Variants in IDUA observed in about 807,000 individuals in gnomAD.
The protein encoded by IDUA is alpha-L-iduronidase.
A neutral mutation model predicts 68.9 loss-of-function variants in IDUA; 65 were observed. The ratio of observed to expected loss-of-function variants is 0.94; its 90% CI spans 0.77 to 1.16. IDUA has a LOEUF of 1.16. Ranked by LOEUF, IDUA falls within the 50% of genes most tolerant of loss-of-function variation. IDUA has a pLI of 0.00. For synonymous variants in IDUA, 529 were observed against 433.6 expected, an observed-to-expected ratio of 1.22 and a Z score of -2.73; for missense variants, 1,046 against 938.0, an observed-to-expected ratio of 1.12 and a Z score of -1.50.
chr4:992,259 A>T (rs548043291), intron 2 of IDUA: 1 of 454,544 alleles, frequency 2.2e-6, no homozygotes, highest in Non-Finnish European at 4.4e-6. Flanking sequence ...TGTCCACCCC[A>T]TGCCCACACC....
At position 1,003,712 on chromosome 4, in the gene IDUA, C is replaced by T. The variant is rs537908440; in HGVS notation, c.1727+87C>T. ...CCTTCACCCATGCGGTCACTCGGGC[C>T]ACTTGCCGTGGCCCATCGGCTCCCT... On this transcript the variant is annotated intron_variant, in intron 12 of 13. Transcript: ENST00000514224. 930 of 1,465,054 alleles carry T rather than the reference C, an allele frequency of 6.3e-4. 10 individuals are homozygous for T. In the South Asian group the frequency reaches 7.4e-3, roughly 12 times the overall value. 90.8% of individuals were successfully genotyped at this position (1,465,054 alleles called of 1,614,324 possible). A position where few individuals can be genotyped will look rare whatever the true frequency, so the allele number is the denominator to read the frequency against.
chr4:989,730 C>G, intron 2 of IDUA: 6 of 1,557,884 alleles, frequency 3.9e-6, no homozygotes, highest in Non-Finnish European at 5.2e-6. Context: ...CTGTCTTCAC[C>G]AGGCTCTTGG....
chr4:1,004,395 C>A lies in IDUA; in HGVS notation c.*2C>A. 5 of 1,610,062 alleles carry A rather than the reference C, an allele frequency of 3.1e-6. No homozygotes were observed. Among genetic ancestry groups the A allele is most frequent in the Non-Finnish European group, 4.2e-6 (5 of 1,179,966 alleles). ...CCCCCATCCCCGGGCAATCCATGAG[C>A]CTGTGCTGAGCCCCAGTGGGTTGCA... On this transcript the variant is annotated 3_prime_UTR_variant, in exon 14 of 14. Coordinates refer to ENST00000514224, the MANE Select transcript of IDUA (RefSeq NM_000203.5). The surrounding 1 kb of genome is among the most constrained non-coding windows in gnomAD (Gnocchi z 5.0).
At chr4:999,709 C>A (rs1714961747) in intron 2 of IDUA, 1 of 146,982 alleles carries the variant, frequency 6.8e-6, no homozygotes, top group Admixed American at 6.8e-5. Context: ...CGTGGGAATT[C>A]AGCCCATCTG....
In IDUA at chr4:990,213, G is replaced by A. The variant is rs778395267; in HGVS notation, c.299+2264G>A. On this transcript the variant is annotated intron_variant, in intron 2 of 13. Transcript: ENST00000514224. ...TCAGCCATGTGAGGACCACCATGCCGGGCCCCTGGTGCCGCGGGATCCGCA... is the reference window on the plus strand; with the variant it reads ...TCAGCCATGTGAGGACCACCATGCCAGGCCCCTGGTGCCGCGGGATCCGCA... 1.3e-5 allele frequency: 21 copies of A among 1,564,676 alleles called. No individual in the cohort carries two copies. The highest frequency in any genetic ancestry group is 5.8e-5 in the Admixed American group (3 of 51,870).
chr4:987,159 G>C lies in IDUA; in HGVS notation c.75G>C (p.Pro25=). ...TCCTGGCCGCGCCCCCGGTGGCCCC[G>C]GCCGAGGCCCCGCACCTGGTGCATG... ...ASLLAAPPVA[P]AEAPHLVHVD... is the part of the protein sequence containing the mutation. Residue 25 remains proline, a synonymous_variant, in exon 1 of 14, where the codon CCG becomes CCC. Transcript: ENST00000514224. 1 of 1,427,150 alleles carries C rather than the reference G, an allele frequency of 7.0e-7. No homozygotes were observed. Among genetic ancestry groups the C allele is most frequent in the Non-Finnish European group, 9.1e-7 (1 of 1,096,230 alleles). 88.4% of individuals were successfully genotyped at this position (1,427,150 alleles called of 1,614,324 possible). A position where few individuals can be genotyped will look rare whatever the true frequency, so the allele number is the denominator to read the frequency against.
Position 989,600 on chromosome 4 carries a change from C to T in IDUA, c.299+1651C>T, listed in dbSNP as rs765002645. ...CGCAGGGCCCCCCGCAGGCTGACCA[C>T]GATGACGCAGGCCAGCACGCTTCGC... is the stretch of plus-strand genomic sequence containing the variant. On this transcript the variant is annotated intron_variant, in intron 2 of 13. Coordinates refer to ENST00000514224, the MANE Select transcript of IDUA (RefSeq NM_000203.5). 8.7e-6 allele frequency: 14 copies of T among 1,601,832 alleles called. No individual in the cohort carries two copies. The highest frequency in any genetic ancestry group is 5.3e-5 in the African/African-American group (4 of 74,840).
At chr4:993,177 A>C (rs1357694655) in intron 2 of IDUA, 1 of 152,268 alleles carries the variant, frequency 6.6e-6, no homozygotes, top group African/African-American at 2.4e-5. Flanking sequence ...GAATGGGGAC[A>C]GTAGGGCCAC....
intron 3 of IDUA, 57 bp downstream of exon 3, chr4:1,000,754 TCTCCCTCACCCAGCCC>T: frequency 1.4e-6 from 2 of 1,414,808 alleles, no homozygotes; most frequent in Non-Finnish European, 2.0e-6. Flanking sequence ...CTGCCCACCC[TCTCCCTCACCCAGCCC>T]CTCTGAGTCC....
At chr4:1,000,476 C>G (rs1715004700) in intron 2 of IDUA, 136 bp from the exon 3 acceptor site, 1 of 725,050 alleles carries the variant, frequency 1.4e-6, no homozygotes, top group Non-Finnish European at 2.5e-6. Context: ...AGGGGAAGGG[C>G]CCCTCGGGAA....
intron 2 of IDUA, chr4:990,294 A>T: frequency 6.2e-7 from 1 of 1,603,908 alleles, no homozygotes. Context: ...CCCCCATGGC[A>T]AAGCCATCGA....
intron 2 of IDUA, among the ~76,000 whole-genome samples, chr4:997,808 G>A (rs1714832433): frequency 6.6e-6 from 1 of 152,216 alleles, no homozygotes; most frequent in African/African-American, 2.4e-5. Flanking sequence ...CTGGGGGCGG[G>A]GATCCCTGTC....
At chr4:998,538 C>T (rs1036008258) in intron 2 of IDUA, among the ~76,000 whole-genome samples, 1 of 152,176 alleles carries the variant, frequency 6.6e-6, no homozygotes. Context: ...CAGACCCTGG[C>T]CAGCCTGGTC....
intron 2 of IDUA, among the ~76,000 whole-genome samples, chr4:993,631 C>G (rs768903825): frequency 4.3e-4 from 65 of 152,220 alleles, no homozygotes; most frequent in Non-Finnish European, 7.2e-4. Flanking sequence ...GCGGCCCTGC[C>G]GGGGGGGCTT....
At chr4:998,357 G>T (rs538902438) in intron 2 of IDUA, among the ~76,000 whole-genome samples, 1 of 152,320 alleles carries the variant, frequency 6.6e-6, no homozygotes, top group South Asian at 2.1e-4. Context: ...AGCTGGGGGT[G>T]CTGTGGCATG....
rs762593235 is a variant in IDUA at position 1,003,339 on chromosome 4, G to GC, written c.1525-3dup. On this transcript the variant is annotated splice_polypyrimidine_tract_variant and splice_region_variant and intron_variant, in intron 10 of 13. Transcript: ENST00000514224. Reference sequence around the variant, plus strand: ...GAGAACCCTGAGGACCGGCCACTGCGCCCAGGACCCGGTGGCCGCGGCGCC... The same window carrying GC: ...GAGAACCCTGAGGACCGGCCACTGCGCCCCAGGACCCGGTGGCCGCGGCGCC... 12 of 1,453,786 alleles carry GC rather than the reference G, an allele frequency of 8.3e-6. No individual in the cohort carries two copies. The highest frequency in any genetic ancestry group is 2.4e-4 in the Middle Eastern group (1 of 4,088). The allele number at this position is 1,453,786 out of a possible 1,614,324, so 90.1% of individuals were successfully genotyped here. A position where few individuals can be genotyped will look rare whatever the true frequency, so the allele number is the denominator to read the frequency against.
intron 1 of IDUA, 128 bp downstream of exon 1, chr4:987,370 G>A: frequency 3.1e-6 from 3 of 957,292 alleles, no homozygotes; most frequent in African/African-American, 1.7e-5. Context: ...TCCCGGGCCC[G>A]CCCCCCGCCG....
At position 1,002,784 on chromosome 4, in the gene IDUA, C is replaced by T; in HGVS notation, c.1242C>T (p.Ser414=). The change falls in exon 9 of 14, where the codon AGC becomes AGT. Residue 414 remains serine (S), a synonymous_variant. Coordinates refer to ENST00000514224, the MANE Select transcript of IDUA (RefSeq NM_000203.5). ...EVSQAGTVLD[S]NHTVGVLASA... ...CGCAGGCCGGGACCGTCCTGGACAG[C>T]AACCACACGGTGGGCGTCCTGGCCA... is the stretch of plus-strand genomic sequence containing the variant. 1 of 1,471,858 alleles carries T rather than the reference C, an allele frequency of 6.8e-7. No homozygotes were observed. The highest frequency in any genetic ancestry group is 2.3e-5 in the Admixed American group (1 of 42,566). 91.2% of individuals were successfully genotyped at this position (1,471,858 alleles called of 1,614,324 possible).
At position 987,885 on chromosome 4, in the gene IDUA, G is replaced by A. The variant is rs58037052; in HGVS notation, c.235G>A (p.Ala79Thr). The A allele has an allele frequency of 1.6e-3, 2,552 of 1,611,212 alleles. 30 individuals carry two copies. In the African/African-American group the frequency reaches 0.031, roughly 19 times the overall value. The change falls in exon 2 of 14, where the codon GCC (alanine) becomes ACC (threonine). Residue 79 changes from alanine (A) to threonine (T), a missense_variant. Coordinates refer to ENST00000514224, the MANE Select transcript of IDUA (RefSeq NM_000203.5). ...DQQLNLAYVGAVPHRGIKQVR... is the reference protein window; with the variant it reads ...DQQLNLAYVGTVPHRGIKQVR... ...GCAGCTCAACCTCGCCTATGTGGGC[G>A]CCGTCCCTCACCGCGGCATCAAGCA...
Sources: gnomAD v4.1 joint callset for allele counts (sites outside exome capture counted in the v4.1 genomes callset) on GRCh38, gnomAD v4.1.1 for gene constraint, Gnocchi (gnomAD v3.1) non-coding constraint, MANE v1.5 for transcripts, NCBI Gene and HGNC (gene_info 2026-07-23, HGNC 2026-07-21) for gene names.